SETX: variants seen among roughly 807,000 people sequenced by gnomAD.
The protein encoded by SETX is helicase senataxin.
A neutral mutation model predicts 227.2 loss-of-function variants in SETX; 90 were observed. The ratio of observed to expected loss-of-function variants is 0.40; its 90% CI spans 0.33 to 0.47. The LOEUF (loss-of-function observed/expected upper bound fraction) is 0.47, where lower values mean the gene tolerates loss of function less well. Among genes scored for constraint, SETX ranks in the 20% least tolerant of loss-of-function variants. SETX has a pLI of 0.91. For missense variants in SETX, 3,052 were observed against 3,181.5 expected, an observed-to-expected ratio of 0.96 and a Z score of 0.98; for synonymous variants, 1,210 against 1,113.2, an observed-to-expected ratio of 1.09 and a Z score of -1.73.
intron 15 of SETX, among the ~76,000 whole-genome samples, chr9:132,290,651 T>C (rs1426867378): frequency 6.7e-6 from 1 of 148,854 alleles, no homozygotes; most frequent in African/African-American, 2.5e-5. Flanking sequence ...TCCTAGCACT[T>C]TGGGAGGCCA....
In SETX at chr9:132,330,348, G is replaced by T. The variant is rs1374393185; in HGVS notation, c.1250C>A (p.Ser417Tyr). 1 of 1,613,944 alleles carries T rather than the reference G, an allele frequency of 6.2e-7. No homozygotes were observed. Among genetic ancestry groups the T allele is most frequent in the Non-Finnish European group, 8.5e-7 (1 of 1,179,948 alleles). Residue 417 changes from serine to tyrosine, a missense_variant, in exon 10 of 26, where the codon TCC (serine) becomes TAC (tyrosine). Physicochemically the swap from Ser to Tyr is moderately radical, Grantham distance 144. This residue lies in a region of SETX where 39 missense variants were observed against 84.8 expected (regional missense o/e 0.46). Transcript: ENST00000224140. ...TFLWFIPFVQ[S>Y]LMDLKDLGVA... ...ACCCAAATCCTTAAGATCCATGAGGGACTGGACAAAAGGGATGAACCATAG... is the reference window on the plus strand; with the variant it reads ...ACCCAAATCCTTAAGATCCATGAGGTACTGGACAAAAGGGATGAACCATAG...
chr9:132,268,650 T>C (rs1249130019), intron 25 of SETX, among the ~76,000 whole-genome samples: 1 of 152,178 alleles, frequency 6.6e-6, no homozygotes, highest in Non-Finnish European at 1.5e-5. Context: ...AATAAAATAA[T>C]ATTGCTTTCT....
At chr9:132,288,097 A>C in intron 17 of SETX, 139 bp downstream of exon 17, 1 of 695,842 alleles carries the variant, frequency 1.4e-6, no homozygotes, top group South Asian at 1.6e-5. Flanking sequence ...GATCACCTGA[A>C]CCCAGGAAGG....
At chr9:132,338,352 T>C (rs925267110) in intron 5 of SETX, among the ~76,000 whole-genome samples, 2 of 151,956 alleles carry the variant, frequency 1.3e-5, no homozygotes, top group Non-Finnish European at 2.9e-5. Context: ...CGGCCTCCCA[T>C]AGTGCTGGGA....
chr9:132,318,666 A>T (rs140646338), intron 10 of SETX, among the ~76,000 whole-genome samples: 1 of 152,264 alleles, frequency 6.6e-6, no homozygotes, highest in East Asian at 1.9e-4. Flanking sequence ...GTGAACTTTC[A>T]AGAACCAAGC....
At chr9:132,289,401 AT>A (rs1448952391) in intron 15 of SETX, among the ~76,000 whole-genome samples, 3 of 152,078 alleles carry the variant, frequency 2.0e-5, no homozygotes, top group Non-Finnish European at 4.4e-5. Flanking sequence ...CCATTTCACT[AT>A]TTATTTCAAT....
At chr9:132,279,375 G>T (rs1843364973) in intron 20 of SETX, among the ~76,000 whole-genome samples, 1 of 152,000 alleles carries the variant, frequency 6.6e-6, no homozygotes, top group Non-Finnish European at 1.5e-5. Flanking sequence ...TAACAAACCT[G>T]CATGTTGTGA....
At chr9:132,310,488 A>T (rs1012857799) in intron 11 of SETX, among the ~76,000 whole-genome samples, 7 of 152,226 alleles carry the variant, frequency 4.6e-5, no homozygotes, top group African/African-American at 1.4e-4. Context: ...TGCAGAAAAG[A>T]GTTAACATAG....
intron 3 of SETX, 66 bp downstream of exon 3, chr9:132,349,186 A>T: frequency 1.4e-6 from 2 of 1,422,118 alleles, no homozygotes; most frequent in South Asian, 1.2e-5. Context: ...CTTCCAACGG[A>T]GTTCAAACTT....
intron 7 of SETX, among the ~76,000 whole-genome samples, chr9:132,332,282 A>G (rs1352162727): frequency 6.6e-6 from 1 of 152,242 alleles, no homozygotes; most frequent in African/African-American, 2.4e-5. Flanking sequence ...TAAGCACTAG[A>G]ATGCCCTCAA....
intron 13 of SETX, among the ~76,000 whole-genome samples, chr9:132,297,610 T>A (rs1211298885): frequency 1.3e-5 from 2 of 152,236 alleles, no homozygotes; most frequent in African/African-American, 4.8e-5. Context: ...CAGACTGAGA[T>A]AATGCACATG....
At chr9:132,313,785 A>T (rs1006723534) in intron 10 of SETX, among the ~76,000 whole-genome samples, 2 of 151,974 alleles carry the variant, frequency 1.3e-5, no homozygotes, top group Admixed American at 1.3e-4. Flanking sequence ...AATCATGCAG[A>T]TGGTTAGAAA....
intron 5 of SETX, among the ~76,000 whole-genome samples, chr9:132,342,426 T>C (rs956605198): frequency 9.2e-5 from 14 of 152,110 alleles, no homozygotes; most frequent in African/African-American, 2.9e-4. Flanking sequence ...TCTTCTTGAG[T>C]TCAATTCAAC....
intron 17 of SETX, among the ~76,000 whole-genome samples, chr9:132,287,947 G>A (rs1373092652): frequency 6.6e-6 from 1 of 152,196 alleles, no homozygotes; most frequent in Non-Finnish European, 1.5e-5. Flanking sequence ...GCTGAGGTGG[G>A]CAGATCAACT....
At chr9:132,269,767 G>T in intron 24 of SETX, 65 bp from the exon 25 acceptor site, 1 of 1,514,034 alleles carries the variant, frequency 6.6e-7, no homozygotes, top group Non-Finnish European at 9.2e-7. Flanking sequence ...GTGAGACAAA[G>T]GTGGACTCTA....
At chr9:132,277,964 G>A in intron 21 of SETX, 106 bp downstream of exon 21, 1 of 1,106,930 alleles carries the variant, frequency 9.0e-7, no homozygotes, top group South Asian at 1.3e-5. Context: ...AACCCTTCAT[G>A]ATTTATGCTT....
intron 7 of SETX, among the ~76,000 whole-genome samples, chr9:132,333,416 T>TATACACACACACAC (rs779955041): frequency 1.1e-5 from 1 of 88,092 alleles, no homozygotes; most frequent in Non-Finnish European, 2.1e-5. Flanking sequence ...AAAATATATA[T>TATACACACACACAC]ACACACACAC....
chr9:132,281,873 T>A (rs1843534428), intron 19 of SETX, among the ~76,000 whole-genome samples: 1 of 151,702 alleles, frequency 6.6e-6, no homozygotes, highest in African/African-American at 2.4e-5. Flanking sequence ...ACCAAAAAAA[T>A]TAGCTGGGCG....
At position 132,331,324 on chromosome 9, in the gene SETX, G is replaced by A. The variant is rs750254836; in HGVS notation, c.963C>T (p.Asn321=). 14 of 1,613,860 alleles carry A rather than the reference G, an allele frequency of 8.7e-6. No homozygotes were observed. Among genetic ancestry groups the A allele is most frequent in the Admixed American group, 1.7e-5 (1 of 59,986 alleles). ...PIVAFQTIIN[N]ASYNREIRHI... ...GTCGGATCTCTCTATTGTAGCTTGC[G>A]TTGTTGATAATGGTTTGAAATGCCA... is the stretch of plus-strand genomic sequence containing the variant. The change falls in exon 8 of 26, where the codon AAC becomes AAT. Residue 321 remains asparagine, a synonymous_variant. Coordinates refer to ENST00000224140, the MANE Select transcript of SETX (RefSeq NM_015046.7).
Sources: allele counts gnomAD v4.1 joint callset (sites outside exome capture counted in the v4.1 genomes callset), GRCh38; gene constraint gnomAD v4.1.1; regional missense constraint gnomAD v4.1.1; transcripts MANE v1.5; gene names NCBI Gene and HGNC (gene_info 2026-07-23, HGNC 2026-07-21).